MBD2: variants seen among roughly 807,000 people sequenced by gnomAD.
MBD2 encodes the protein methyl-CpG binding domain protein 2.
Under a neutral mutation model 39.3 loss-of-function variants are expected in MBD2, and 9 were observed. The observed-to-expected ratio is 0.23, with a 90% CI of 0.14 to 0.40. The LOEUF (loss-of-function observed/expected upper bound fraction) is 0.40. Among genes scored for constraint, MBD2 ranks in the 10% least tolerant of loss-of-function variants. The pLI, the probability that MBD2 is intolerant of heterozygous loss-of-function variation, is 1.00. For synonymous variants in MBD2, 233 were observed against 211.1 expected, an observed-to-expected ratio of 1.10 and a Z score of -0.90; for missense variants, 458 against 532.6, an observed-to-expected ratio of 0.86 and a Z score of 1.38.
At chr18:54,201,719 C>T (rs1450422117) in intron 2 of MBD2, among the ~76,000 whole-genome samples, 15 of 151,804 alleles carry the variant, frequency 9.9e-5, no homozygotes, top group African/African-American at 2.7e-4. Context: ...AGAAATTAGC[C>T]GGGCGTGGTG....
Position 54,224,350 on chromosome 18 carries a change from G to A in MBD2, c.210C>T (p.Gly70=), listed in dbSNP as rs2144363492. The A allele has an allele frequency of 8.9e-7, 1 of 1,127,690 alleles. No homozygotes were observed. The highest frequency in any genetic ancestry group is 3.5e-5 in the South Asian group (1 of 28,952). The allele number at this position is 1,127,690 out of a possible 1,614,324, so 69.9% of individuals were successfully genotyped here. The change falls in exon 1 of 7, where the codon GGC becomes GGT. Residue 70 remains glycine, a synonymous_variant. Transcript: ENST00000256429. ...CCCGGCCACGGCCACAGACGCCGCC[G>A]CCCCGGCCCGCCTGCTTCCACCGCC... ...GRGRWKQAGR[G]GGVCGRGRGR...
chr18:54,196,210 T>G (rs926496324), intron 2 of MBD2, among the ~76,000 whole-genome samples: 3 of 152,172 alleles, frequency 2.0e-5, no homozygotes, highest in African/African-American at 7.2e-5. Flanking sequence ...GAAAATCCAC[T>G]TAGTCTAATA....
chr18:54,215,551 C>T (rs1048641838), intron 1 of MBD2, among the ~76,000 whole-genome samples: 8 of 147,612 alleles, frequency 5.4e-5, no homozygotes, highest in African/African-American at 2.0e-4. Flanking sequence ...TGCAGTGGCG[C>T]GATCTCAGCT....
At chr18:54,201,147 G>A (rs1226710279) in intron 2 of MBD2, among the ~76,000 whole-genome samples, 1 of 151,920 alleles carries the variant, frequency 6.6e-6, no homozygotes, top group East Asian at 1.9e-4. Context: ...ACAGCCACCT[G>A]TGGCTGAAAA....
In MBD2 at chr18:54,184,315, G is replaced by A. The variant is rs141175087; in HGVS notation, c.840+4559C>T. On this transcript the variant is annotated intron_variant, in intron 3 of 6. Transcript: ENST00000256429. ...CAGCATTAAATTCTCACAGAGGCGC[G>A]AACCCCATTGTGCTCTGCGCATGTG... Among the ~76,000 whole-genome samples the A allele has an allele frequency of 1.2e-3, 190 of 152,090 alleles. 2 individuals are homozygous for A. Among genetic ancestry groups the A allele is most frequent in the African/African-American group, 4.3e-3 (177 of 41,494 alleles).
chr18:54,219,657 T>C (rs2086593526), intron 1 of MBD2, among the ~76,000 whole-genome samples: 1 of 152,218 alleles, frequency 6.6e-6, no homozygotes. Context: ...TTCTAGATAC[T>C]ACATGGAGGG....
intron 3 of MBD2, among the ~76,000 whole-genome samples, chr18:54,183,482 G>A (rs1227609570): frequency 1.3e-5 from 2 of 152,182 alleles, no homozygotes; most frequent in African/African-American, 4.8e-5. Flanking sequence ...CAAAGAAAGT[G>A]TAGAGTCAAA....
rs2086230486 is a variant in MBD2, at chr18:54,178,958, T to C, written c.840+9916A>G. Among the ~76,000 whole-genome samples the C allele has an allele frequency of 3.3e-5, 5 of 152,160 alleles. No individual in the cohort carries two copies. The South Asian group carries it at 1.0e-3, about 32-fold the overall frequency. Reference sequence around the variant, plus strand: ...AACTAGAAAGAAAAAATGAATATTCTTCCATGTATCTATTTTAAAAATTGA... The same window carrying C: ...AACTAGAAAGAAAAAATGAATATTCCTCCATGTATCTATTTTAAAAATTGA... On this transcript the variant is annotated intron_variant, in intron 3 of 6. Coordinates refer to ENST00000256429, the MANE Select transcript of MBD2 (RefSeq NM_003927.5).
At chr18:54,186,859 G>C (rs755359635) in intron 3 of MBD2, among the ~76,000 whole-genome samples, 1 of 152,194 alleles carries the variant, frequency 6.6e-6, no homozygotes, top group African/African-American at 2.4e-5. Context: ...TTGAAATGAC[G>C]TAAGTTTTTT....
intron 1 of MBD2, among the ~76,000 whole-genome samples, chr18:54,221,717 C>T (rs1599116265): frequency 1.3e-5 from 2 of 151,990 alleles, no homozygotes; most frequent in Admixed American, 1.3e-4. Context: ...TGCACTGAGC[C>T]GAGATCGCAC....
intron 2 of MBD2, among the ~76,000 whole-genome samples, chr18:54,192,256 C>T (rs892566160): frequency 1.3e-5 from 2 of 152,124 alleles, no homozygotes; most frequent in Non-Finnish European, 2.9e-5. Flanking sequence ...GTTCTTGAGA[C>T]GGAGTCTTGC....
intron 1 of MBD2, among the ~76,000 whole-genome samples, chr18:54,214,733 TTTAGAATTC>T (rs1458069456): frequency 1.8e-5 from 1 of 56,156 alleles, no homozygotes; most frequent in Non-Finnish European, 3.4e-5. Flanking sequence ...GTAGAATTCT[TTTAGAATTC>T]TTTTTTTTTT....
intron 6 of MBD2, among the ~76,000 whole-genome samples, chr18:54,155,707 A>C (rs1031113079): frequency 6.6e-6 from 1 of 152,230 alleles, no homozygotes; most frequent in African/African-American, 2.4e-5. Flanking sequence ...TCTACTCAAG[A>C]TACTTTATTT....
chr18:54,223,523 A>G (rs1342461377), intron 1 of MBD2, among the ~76,000 whole-genome samples: 1 of 152,340 alleles, frequency 6.6e-6, no homozygotes, highest in Non-Finnish European at 1.5e-5. Context: ...TGCAATACCA[A>G]GAAGTTCCAA....
At chr18:54,156,293 A>G (rs1013734841) in intron 6 of MBD2, among the ~76,000 whole-genome samples, 4 of 152,248 alleles carry the variant, frequency 2.6e-5, no homozygotes, top group Non-Finnish European at 5.9e-5. Flanking sequence ...GCTTGATCTA[A>G]TAATGCCATT....
At chr18:54,188,779 T>C in intron 3 of MBD2, 95 bp downstream of exon 3, 1 of 1,296,518 alleles carries the variant, frequency 7.7e-7, no homozygotes, top group Non-Finnish European at 1.1e-6. Context: ...TTTCCAAATA[T>C]ACTCCATTTT....
intron 3 of MBD2, among the ~76,000 whole-genome samples, chr18:54,170,817 TG>T (rs1349419521): frequency 6.6e-6 from 1 of 152,110 alleles, no homozygotes; most frequent in East Asian, 1.9e-4. Context: ...AGGTAGCCCT[TG>T]AAAATTGTGT....
At chr18:54,162,911 C>T (rs549523886) in intron 5 of MBD2, among the ~76,000 whole-genome samples, 1 of 152,206 alleles carries the variant, frequency 6.6e-6, no homozygotes, top group Non-Finnish European at 1.5e-5. Flanking sequence ...CATTATAAAC[C>T]TAGCTAGACT....
chr18:54,197,875 T>C (rs528408160), intron 2 of MBD2, among the ~76,000 whole-genome samples: 1 of 152,224 alleles, frequency 6.6e-6, no homozygotes, highest in Admixed American at 6.5e-5. Flanking sequence ...GGAGGGACTT[T>C]AGGGCCTAGA....
Sources: gnomAD v4.1 joint callset for allele counts (sites outside exome capture counted in the v4.1 genomes callset) on GRCh38, gnomAD v4.1.1 for gene constraint, MANE v1.5 for transcripts, NCBI Gene and HGNC (gene_info 2026-07-23, HGNC 2026-07-21) for gene names.